DDX20: variants seen among roughly 807,000 people sequenced by gnomAD.
The protein encoded by DDX20 is DEAD-box helicase 20, also known as probable ATP-dependent RNA helicase DDX20.
A neutral mutation model predicts 76.4 loss-of-function variants in DDX20; 61 were observed. The observed-to-expected ratio is 0.80, with a 90% confidence interval of 0.65 to 0.99. The LOEUF is 0.99. Among genes scored for constraint, DDX20 ranks in the 50% least tolerant of loss-of-function variants. The pLI is 0.00. For synonymous variants in DDX20, 357 were observed against 357.4 expected (o/e 1.00, Z 0.01); for missense variants, 976 against 996.8 (o/e 0.98, Z 0.28).
intron 1 of DDX20, 43 bp downstream of exon 1, chr1:111,756,268 G>GGGTC: frequency 1.4e-6 from 1 of 739,120 alleles, no homozygotes; most frequent in Non-Finnish European, 2.0e-6. Flanking sequence ...TGGGGTGGGA[G>GGGTC]AAGGGGGACC....
chr1:111,760,687 A>G lies in DDX20; in HGVS notation c.681-19A>G, dbSNP rs1394895348. 2 of 1,606,828 alleles carry G rather than the reference A, an allele frequency of 1.2e-6. No homozygotes were observed. On this transcript the variant is annotated intron_variant, in intron 4 of 10. Transcript: ENST00000369702. Reference sequence around the variant, plus strand: ...TTATTGTTTGAATAATTTACATGGTATCTGTTTTTATTTTGCAGTTGGATT... The same window carrying G: ...TTATTGTTTGAATAATTTACATGGTGTCTGTTTTTATTTTGCAGTTGGATT...
chr1:111,759,326 C>A, intron 2 of DDX20, 74 bp from the exon 3 acceptor site: 2 of 1,070,920 alleles, frequency 1.9e-6, no homozygotes, highest in South Asian at 1.7e-5. Context: ...TATAGTGTGT[C>A]ATGTAATGAA....
chr1:111,765,615 A>T, intron 10 of DDX20, 122 bp from the exon 11 acceptor site: 1 of 811,552 alleles, frequency 1.2e-6, no homozygotes, highest in Non-Finnish European at 1.9e-6. Flanking sequence ...TAAACATCTT[A>T]GTATATTTGC....
chr1:111,757,843 C>T (rs917509252), intron 2 of DDX20, among the ~76,000 whole-genome samples: 6 of 152,156 alleles, frequency 3.9e-5, no homozygotes, highest in Non-Finnish European at 8.8e-5. Flanking sequence ...TGCTGAAATC[C>T]TGGAAAAGTT....
In DDX20 at chr1:111,756,022, C is replaced by T. The variant is rs1663539898; in HGVS notation, c.98C>T (p.Thr33Ile). Residue 33 changes from threonine to isoleucine, a missense_variant, in exon 1 of 11, where the codon ACA (threonine) becomes ATA (isoleucine). Thr to Ile is a moderately conservative substitution (Grantham distance 89, BLOSUM62 -1). Coordinates refer to ENST00000369702, the MANE Select transcript of DDX20 (RefSeq NM_007204.5). ...GTGCAGGTCCCGGCCCCAGAGCCAA[C>T]ACCCGGGCCTGTGAGGATCCTGCGG... ...VAVQVPAPEPTPGPVRILRTA... is the reference protein window; with the variant it reads ...VAVQVPAPEPIPGPVRILRTA... 2 of 1,609,290 alleles carry T rather than the reference C, an allele frequency of 1.2e-6. No homozygotes were observed. Among genetic ancestry groups the T allele is most frequent in the Non-Finnish European group, 1.7e-6 (2 of 1,178,216 alleles).
In DDX20 at chr1:111,760,706, T is replaced by C; in HGVS notation, c.681T>C (p.Asn227=). The C allele has an allele frequency of 6.2e-7, 1 of 1,606,612 alleles. No homozygotes were observed. The highest frequency in any genetic ancestry group is 2.2e-5 in the East Asian group (1 of 44,822). Residue 227 remains asparagine, a splice_region_variant and synonymous_variant, in exon 5 of 11, where the codon AAT becomes AAC. Transcript: ENST00000369702. ...CATGGTATCTGTTTTTATTTTGCAGTTGGATTTATTCTTCCTTGCCTGCCA... is the reference window on the plus strand; with the variant it reads ...CATGGTATCTGTTTTTATTTTGCAGCTGGATTTATTCTTCCTTGCCTGCCA... ...LEEGSFQEQI[N]WIYSSLPASK...
At chr1:111,759,305 T>C in intron 2 of DDX20, 95 bp from the exon 3 acceptor site, 1 of 944,274 alleles carries the variant, frequency 1.1e-6, no homozygotes, top group Middle Eastern at 3.5e-4. Flanking sequence ...GAAATGATCA[T>C]TTAAATGAAA....
Position 111,756,657 on chromosome 1 carries a change from C to A in DDX20, c.313C>A (p.Gln105Lys). Residue 105 changes from glutamine to lysine, a missense_variant, in exon 2 of 11, where the codon CAA (glutamine) becomes AAA (lysine). Physicochemically the swap from Gln to Lys is moderately conservative, Grantham distance 53. Around this residue, in one of 3 missense-constraint regions of DDX20, gnomAD observed 343 missense variants for 286.4 expected, o/e 1.20. Transcript: ENST00000369702. ...LGRCGLDLIV[Q>K]AKSGTGKTCV... ...TTTTTCCTTCGCAGATTTAATTGTT[C>A]AAGCTAAATCTGGCACCGGGAAAAC... 2 of 1,613,962 alleles carry A rather than the reference C, an allele frequency of 1.2e-6. No individual in the cohort carries two copies. Among genetic ancestry groups the A allele is most frequent in the East Asian group, 2.2e-5 (1 of 44,878 alleles).
chr1:111,759,328 T>C, intron 2 of DDX20, 72 bp from the exon 3 acceptor site: 1 of 1,092,698 alleles, frequency 9.2e-7, no homozygotes, highest in Non-Finnish European at 1.3e-6. Flanking sequence ...TAGTGTGTCA[T>C]GTAATGAATA....
Position 111,765,851 on chromosome 1 carries a change from T to G in DDX20, c.1427T>G (p.Ile476Ser), listed in dbSNP as rs149786591. The G allele has an allele frequency of 2.5e-6, 4 of 1,613,984 alleles. No homozygotes were observed. In the African/African-American group the frequency reaches 5.3e-5, roughly 22 times the overall value. Residue 476 changes from isoleucine (I) to serine (S), a missense_variant, in exon 11 of 11, where the codon ATT (isoleucine) becomes AGT (serine). Ile to Ser is a moderately radical substitution (Grantham distance 142). This residue lies in a region of DDX20 where 630 missense variants were observed against 693.7 expected (regional missense o/e 0.91). Transcript: ENST00000369702. Reference protein sequence around the residue: ...SVPNQPLKKQIQKIERTLQIQ... With the variant: ...SVPNQPLKKQSQKIERTLQIQ... Reference sequence around the variant, plus strand: ...CCTAACCAACCCTTAAAAAAGCAAATTCAGAAAATAGAGAGAACCCTTCAA... The same window carrying G: ...CCTAACCAACCCTTAAAAAAGCAAAGTCAGAAAATAGAGAGAACCCTTCAA...
intron 2 of DDX20, among the ~76,000 whole-genome samples, chr1:111,758,756 A>G (rs541211060): frequency 2.0e-5 from 3 of 151,996 alleles, no homozygotes; most frequent in Non-Finnish European, 4.4e-5. Context: ...TTTTTTTATG[A>G]TACTTTTTAT....
At chr1:111,765,556 G>A (rs197411) in intron 10 of DDX20, among the ~76,000 whole-genome samples, 181 bp from the exon 11 acceptor site, 28,847 of 151,950 alleles carry the variant, frequency 0.19, 3,764 homozygotes, top group African/African-American at 0.37. Flanking sequence ...TTCTTAGGCA[G>A]GTTTCTTTAT....
At chr1:111,760,197 ATCAC>A in intron 3 of DDX20, among the ~76,000 whole-genome samples, 1 of 152,272 alleles carries the variant, frequency 6.6e-6, no homozygotes, top group East Asian at 1.9e-4. Context: ...TTGGTTGCGA[ATCAC>A]TCAGAATCAG....
At chr1:111,765,686 G>T in intron 10 of DDX20, 51 bp from the exon 11 acceptor site, 1 of 1,431,038 alleles carries the variant, frequency 7.0e-7, no homozygotes, top group Non-Finnish European at 9.4e-7. Flanking sequence ...AGAAAACAGT[G>T]GTCTAGAGTA....
chr1:111,766,795 G>T lies in DDX20; in HGVS notation c.2371G>T (p.Ala791Ser). Residue 791 changes from alanine (A) to serine (S), a missense_variant, in exon 11 of 11, where the codon GCT becomes TCT. Around this residue, in one of 3 missense-constraint regions of DDX20, gnomAD observed 630 missense variants for 693.7 expected, o/e 0.91. Transcript: ENST00000369702. ...YRAWQEYYAA[A>S]SHSYYWNAQR... ...GGCATGGCAAGAATATTATGCTGCCGCTTCTCATTCATATTATTGGAATGC... is the reference window on the plus strand; with the variant it reads ...GGCATGGCAAGAATATTATGCTGCCTCTTCTCATTCATATTATTGGAATGC... The T allele has an allele frequency of 1.2e-6, 2 of 1,614,082 alleles. No homozygotes were observed. Among genetic ancestry groups the T allele is most frequent in the South Asian group, 2.2e-5 (2 of 91,084 alleles).
chr1:111,756,337 C>A (rs1319011392), intron 1 of DDX20, 112 bp downstream of exon 1: 13 of 1,137,506 alleles, frequency 1.1e-5, no homozygotes, highest in Middle Eastern at 6.1e-4. Flanking sequence ...GGTCGGCCCC[C>A]GGAGCAGGGC....
chr1:111,756,268 G>GGCC, intron 1 of DDX20, 43 bp downstream of exon 1: 2 of 739,114 alleles, frequency 2.7e-6, no homozygotes, highest in Non-Finnish European at 3.9e-6. Flanking sequence ...TGGGGTGGGA[G>GGCC]AAGGGGGACC....
chr1:111,756,068 C>T lies in DDX20; in HGVS notation c.144C>T (p.Ser48=), dbSNP rs1212182755. The T allele has an allele frequency of 6.2e-7, 1 of 1,607,230 alleles. No homozygotes were observed. The highest frequency in any genetic ancestry group is 1.3e-5 in the African/African-American group (1 of 74,844). Residue 48 remains serine, a synonymous_variant, in exon 1 of 11, where the codon AGC becomes AGT. Transcript: ENST00000369702. ...TGCGGACCGCTCAGGATCTCAGCAG[C>T]CCGCGGACCCGCACGGGGGATGTGC... ...RILRTAQDLS[S]PRTRTGDVLL...
rs531878468 is a variant in DDX20, at chr1:111,755,995, C to T, written c.71C>T (p.Ala24Val). 12 of 1,606,402 alleles carry T rather than the reference C, an allele frequency of 7.5e-6. No individual in the cohort carries two copies. In the South Asian group the frequency reaches 1.1e-4, roughly 15 times the overall value. ...ACTGCTATGCCGGCTGAGCATGTGG[C>T]CGTGCAGGTCCCGGCCCCAGAGCCA... ...VATAMPAEHV[A>V]VQVPAPEPTP... is the part of the protein sequence containing the mutation. The change falls in exon 1 of 11, where the codon GCC becomes GTC. Residue 24 changes from alanine to valine, a missense_variant. Physicochemically the swap from Ala to Val is moderately conservative, Grantham distance 64 (BLOSUM62 0). Transcript: ENST00000369702.
Sources: allele counts gnomAD v4.1 joint callset (sites outside exome capture counted in the v4.1 genomes callset), GRCh38; gene constraint gnomAD v4.1.1; regional missense constraint gnomAD v4.1.1; transcripts MANE v1.5; gene names NCBI Gene and HGNC (gene_info 2026-07-23, HGNC 2026-07-21).